The following PARP10 variants were observed in gnomAD, a reference collection of about 807,000 sequenced individuals.
The protein encoded by PARP10 is protein mono-ADP-ribosyltransferase PARP10.
In PARP10, 56 loss-of-function variants were observed where a neutral mutation model predicts 82.4. The observed-to-expected ratio is 0.68, with a 90% CI of 0.55 to 0.85. The LOEUF (loss-of-function observed/expected upper bound fraction) is 0.85, where lower values mean the gene tolerates loss of function less well. Ranked by LOEUF, PARP10 falls within the 40% of genes least tolerant of loss-of-function variation. The pLI, the probability that PARP10 is intolerant of heterozygous loss-of-function variation, is 0.00. For missense variants in PARP10, 1,227 were observed against 1,379.4 expected, an observed-to-expected ratio of 0.89 and a Z score of 1.75; for synonymous variants, 576 against 601.1, an observed-to-expected ratio of 0.96 and a Z score of 0.61.
intron 9 of PARP10, among the ~76,000 whole-genome samples, chr8:143,980,225 C>T (rs1587449413): frequency 7.1e-6 from 1 of 140,776 alleles, no homozygotes; most frequent in Non-Finnish European, 1.5e-5. Flanking sequence ...GAGGCTGAGG[C>T]AGGAGAATGG....
Position 143,985,453 on chromosome 8 carries a change from G to A in PARP10, c.632C>T (p.Pro211Leu). Residue 211 changes from proline to leucine, a missense_variant, in exon 4 of 11, where the codon CCC becomes CTC. Transcript: ENST00000313028. Reference sequence around the variant, plus strand: ...GGAGGCAACAGTGCCCAGGGGCCCGGGTAGGCGTTGCAGGTCCTCCAGGGG... The same window carrying A: ...GGAGGCAACAGTGCCCAGGGGCCCGAGTAGGCGTTGCAGGTCCTCCAGGGG... ...GGPLEDLQRLPGPLGTVASFQ... is the reference protein window; with the variant it reads ...GGPLEDLQRLLGPLGTVASFQ... 1 of 1,612,392 alleles carries A rather than the reference G, an allele frequency of 6.2e-7. No individual in the cohort carries two copies. The highest frequency in any genetic ancestry group is 8.5e-7 in the Non-Finnish European group (1 of 1,179,340).
At chr8:143,995,612 T>A (rs1330950454), upstream of PARP10, among the ~76,000 whole-genome samples, 3 of 152,012 alleles carry the variant, frequency 2.0e-5, no homozygotes, top group Non-Finnish European at 4.4e-5. Context: ...GTCGCTGACA[T>A]CTGGGAGCTG....
At chr8:143,990,673 C>A (rs1230924369), upstream of PARP10, 1 of 152,102 alleles carries the variant, frequency 6.6e-6, no homozygotes, top group African/African-American at 2.4e-5. This position sits in a 1 kb window ranked among gnomAD's most constrained non-coding sequence, Gnocchi z 5.6. Context: ...GGCCGTTGGG[C>A]CCTGTTGTTG....
At chr8:143,981,474 GAT>G (rs1554747732) in intron 9 of PARP10, among the ~76,000 whole-genome samples, 7 of 90,244 alleles carry the variant, frequency 7.8e-5, no homozygotes, top group East Asian at 4.6e-4. Flanking sequence ...AGGTGGTGGT[GAT>G]GATGGTGGTG....
At position 144,011,072 on chromosome 8, in the gene PARP10, A is replaced by G. The variant is rs1834278221; in HGVS notation, c.-80+1458T>C. 6.6e-6 allele frequency among the ~76,000 whole-genome samples: 1 copy of G among 151,944 alleles called. No individual in the cohort carries two copies. The highest frequency in any genetic ancestry group is 2.1e-4 in the South Asian group (1 of 4,816). On this transcript the variant is annotated intron_variant, in intron 1 of 3. Coordinates refer to the PARP10 transcript ENST00000530478. The surrounding 1 kb of genome is among the most constrained non-coding windows in gnomAD (Gnocchi z 4.5). ...CGTGATTAATAGCTACAAGTATATA[A>G]TAGCTTCACAGCACTATCTAGGCTA...
chr8:143,977,968 C>T lies in PARP10; in HGVS notation c.2670G>A (p.Thr890=), dbSNP rs533456425. 10 of 1,599,332 alleles carry T rather than the reference C, an allele frequency of 6.3e-6. No homozygotes were observed. The African/African-American group carries it at 9.3e-5, about 15-fold the overall frequency. Residue 890 remains threonine (T), a synonymous_variant, in exon 10 of 11, where the codon ACG becomes ACA. Coordinates refer to ENST00000313028, the MANE Select transcript of PARP10 (RefSeq NM_032789.5). ...CGCAGATGTCAGGCACTGCCGGTGC[C>T]GTCGTGCCGTGGTACAGCACCTGCT... ...PVEQVLYHGT[T]APAVPDICAH... is the part of the protein sequence containing the mutation.
intron 9 of PARP10, among the ~76,000 whole-genome samples, chr8:143,978,424 C>T (rs1833768633): frequency 6.6e-6 from 1 of 152,202 alleles, no homozygotes; most frequent in Admixed American, 6.5e-5. Context: ...ATGCCACAGA[C>T]CTCTCAGTGC....
At chr8:144,005,012 CTT>C (rs1430979534) in intron 1 of PARP10, among the ~76,000 whole-genome samples, 1 of 152,072 alleles carries the variant, frequency 6.6e-6, no homozygotes, top group Admixed American at 6.5e-5. Context: ...AACCCCATCT[CTT>C]TTAAAAATAC....
At chr8:144,012,581 G>C in exon 1 of PARP10, 1 of 1,551,752 alleles carries the variant, frequency 6.4e-7, no homozygotes, top group South Asian at 1.2e-5. Context: ...GGGAAAATGA[G>C]GAACTGAAGA....
At position 143,986,448 on chromosome 8, in the gene PARP10, G is replaced by A; in HGVS notation, c.-89C>T. The A allele has an allele frequency of 6.2e-7, 1 of 1,606,812 alleles. No homozygotes were observed. The highest frequency in any genetic ancestry group is 8.5e-7 in the Non-Finnish European group (1 of 1,173,922). On this transcript the variant is annotated 5_prime_UTR_variant, in exon 1 of 11. Coordinates refer to ENST00000313028, the MANE Select transcript of PARP10 (RefSeq NM_032789.5). ...AGCAAGCCTAACCCTGCTGGGAGCA[G>A]GAAAACAAAAGTGAAACTGAAAGAC...
chr8:143,986,705 C>T, upstream of PARP10: 1 of 471,816 alleles, frequency 2.1e-6, no homozygotes. Context: ...CTCCACTCCC[C>T]TGGCCTCCAT....
At chr8:144,004,661 A>T (rs1252741390) in intron 1 of PARP10, among the ~76,000 whole-genome samples, 1 of 152,168 alleles carries the variant, frequency 6.6e-6, no homozygotes, top group East Asian at 1.9e-4. Flanking sequence ...TTTAGAGTCT[A>T]TGCTGATTCA....
At chr8:144,001,375 G>A (rs1834201566) in intron 1 of PARP10, among the ~76,000 whole-genome samples, 1 of 152,180 alleles carries the variant, frequency 6.6e-6, no homozygotes, top group Admixed American at 6.6e-5. Context: ...GTGAGACACA[G>A]TGCCTGGCCG....
rs782077292 is a variant in PARP10 at position 143,983,650 on chromosome 8, G to T, written c.1939C>A (p.Pro647Thr). The change falls in exon 8 of 11, where the codon CCC becomes ACC. Residue 647 changes from proline to threonine, a missense_variant. Pro to Thr is a conservative substitution (Grantham distance 38). Coordinates refer to ENST00000313028, the MANE Select transcript of PARP10 (RefSeq NM_032789.5). ...EEPVAPSTVA[P>T]RWLEEEAALQ... ...GCGGCCTCCTCCTCCAGCCACCTGG[G>T]TGCCACAGTGCTGGGGGCCACAGGC... is the stretch of plus-strand genomic sequence containing the variant. 15 of 1,607,962 alleles carry T rather than the reference G, an allele frequency of 9.3e-6. No individual in the cohort carries two copies. Among genetic ancestry groups the T allele is most frequent in the Non-Finnish European group, 1.2e-5 (14 of 1,177,208 alleles).
At chr8:144,003,251 T>C (rs1168009706) in intron 1 of PARP10, among the ~76,000 whole-genome samples, 2 of 151,920 alleles carry the variant, frequency 1.3e-5, no homozygotes, top group Non-Finnish European at 2.9e-5. Flanking sequence ...GGTGAAACCC[T>C]GTCTCTACTA....
At chr8:143,991,988 T>C (rs139044335), upstream of PARP10, 74 of 1,613,768 alleles carry the variant, frequency 4.6e-5, 1 homozygote, top group African/African-American at 6.8e-4. Context: ...GGACCTACTA[T>C]GTCTCCTATG....
Position 144,008,012 on chromosome 8 carries a change from G to A in PARP10, c.-80+4518C>T, listed in dbSNP as rs1834246539. ...AGAGCAATGGAGAGGAGTCACTGCCGACGTCCCGGAGGGCCCTGGAAGTCA... is the reference window on the plus strand; with the variant it reads ...AGAGCAATGGAGAGGAGTCACTGCCAACGTCCCGGAGGGCCCTGGAAGTCA... On this transcript the variant is annotated intron_variant, in intron 1 of 3. Transcript: ENST00000530478. This position sits in a 1 kb window ranked among gnomAD's most constrained non-coding sequence, Gnocchi z 4.0. Among the ~76,000 whole-genome samples the A allele has an allele frequency of 1.3e-5, 2 of 152,280 alleles. No homozygotes were observed. Among genetic ancestry groups the A allele is most frequent in the South Asian group, 2.1e-4 (1 of 4,826 alleles).
At chr8:143,992,167 T>C (rs1554750639), upstream of PARP10, 1 of 1,602,050 alleles carries the variant, frequency 6.2e-7, no homozygotes, top group African/African-American at 1.3e-5. Flanking sequence ...GTGGTTCTCC[T>C]TGTGCTCATG....
At chr8:144,009,047 G>C (rs1032244879) in intron 1 of PARP10, among the ~76,000 whole-genome samples, 1 of 152,148 alleles carries the variant, frequency 6.6e-6, no homozygotes, top group African/African-American at 2.4e-5. Context: ...CAGCAGAGGC[G>C]TGGTGGGCCA....
Sources: gnomAD v4.1 joint callset for allele counts (sites outside exome capture counted in the v4.1 genomes callset) on GRCh38, gnomAD v4.1.1 for gene constraint, Gnocchi (gnomAD v3.1) non-coding constraint, MANE v1.5 for transcripts, NCBI Gene and HGNC (gene_info 2026-07-23, HGNC 2026-07-21) for gene names.